The following CCDC102B variants were observed in gnomAD, a reference collection of about 807,000 sequenced individuals.
CCDC102B encodes coiled-coil domain containing 102B.
In CCDC102B, 75 loss-of-function variants were observed where a neutral mutation model predicts 57.4. The ratio of observed to expected loss-of-function variants is 1.31; its 90% CI spans 1.08 to 1.58. The LOEUF is 1.58. Ranked by LOEUF, CCDC102B falls within the 40% of genes most tolerant of loss-of-function variation. The probability of loss-of-function intolerance (pLI) is 0.00; values close to 1 mark genes in which losing one functional copy is unlikely to be tolerated. For missense variants in CCDC102B, 636 were observed against 582.6 expected, an observed-to-expected ratio of 1.09 and a Z score of -0.94; for synonymous variants, 206 against 201.9, an observed-to-expected ratio of 1.02 and a Z score of -0.17.
rs917451845 is a variant in CCDC102B at position 68,810,075 on chromosome 18, TAAAG to T, written c.-16+11896_-16+11899del. 3.3e-5 allele frequency among the ~76,000 whole-genome samples: 5 copies of T among 152,322 alleles called. No homozygotes were observed. The East Asian group carries it at 5.8e-4, about 18-fold the overall frequency. On this transcript the variant is annotated intron_variant, in intron 1 of 7. Transcript: ENST00000360242. The stretch of plus-strand genomic sequence containing the variant: ...TTCATTATGTGTAATTTAATTTGTA[TAAAG>T]ATTTTTTAGTCAAATTAATATTTAG...
At chr18:68,794,404 AT>A (rs758859904), upstream of CCDC102B, among the ~76,000 whole-genome samples, 4 of 149,726 alleles carry the variant, frequency 2.7e-5, no homozygotes, top group Non-Finnish European at 4.4e-5. Flanking sequence ...AGCCAAATAT[AT>A]TTGTATGGGA....
At chr18:68,809,508 C>T (rs1275944699) in intron 1 of CCDC102B, among the ~76,000 whole-genome samples, 1 of 152,084 alleles carries the variant, frequency 6.6e-6, no homozygotes, top group Non-Finnish European at 1.5e-5. Context: ...TCATTTAACT[C>T]AATTTTTGTT....
At chr18:68,826,542 G>T (rs1311371807) in intron 1 of CCDC102B, among the ~76,000 whole-genome samples, 1 of 152,138 alleles carries the variant, frequency 6.6e-6, no homozygotes, top group Non-Finnish European at 1.5e-5. Flanking sequence ...GTTAGAAGCA[G>T]GTCACAGGGC....
chr18:68,942,729 GT>G (rs1206554042), intron 6 of CCDC102B, among the ~76,000 whole-genome samples: 1 of 151,980 alleles, frequency 6.6e-6, no homozygotes, highest in Non-Finnish European at 1.5e-5. Context: ...CCATTGCCCA[GT>G]CGACAAGCAG....
chr18:68,955,715 G>A (rs930705700), intron 6 of CCDC102B, among the ~76,000 whole-genome samples: 1 of 151,580 alleles, frequency 6.6e-6, no homozygotes, highest in Non-Finnish European at 1.5e-5. Flanking sequence ...ATGAAAGAAA[G>A]CCTTTATAAT....
chr18:68,828,761 GTTAT>G (rs2037019386), intron 1 of CCDC102B, among the ~76,000 whole-genome samples: 1 of 150,968 alleles, frequency 6.6e-6, no homozygotes, highest in African/African-American at 2.4e-5. Context: ...TATTTAAATT[GTTAT>G]TTCTTTTATT....
chr18:68,990,938 A>G (rs1256933192), intron 6 of CCDC102B, among the ~76,000 whole-genome samples: 1 of 152,080 alleles, frequency 6.6e-6, no homozygotes, highest in East Asian at 1.9e-4. Flanking sequence ...CCATTCCTCT[A>G]TCAATATTTT....
At chr18:68,733,503 TATA>T (rs1184837188) in intron 2 of CCDC102B, among the ~76,000 whole-genome samples, 5 of 81,252 alleles carry the variant, frequency 6.2e-5, no homozygotes, top group African/African-American at 2.4e-4. Flanking sequence ...TATATATATA[TATA>T]TTTTTTTAAC....
chr18:68,789,844 T>C (rs2035361626), intron 2 of CCDC102B, among the ~76,000 whole-genome samples: 2 of 151,272 alleles, frequency 1.3e-5, no homozygotes, highest in Non-Finnish European at 2.9e-5. Flanking sequence ...AAAGTCATTC[T>C]CCGTCCAGCT....
chr18:68,759,892 G>A (rs2145265591), intron 2 of CCDC102B, among the ~76,000 whole-genome samples: 1 of 152,104 alleles, frequency 6.6e-6, no homozygotes, highest in African/African-American at 2.4e-5. Flanking sequence ...CCCTCTTTGG[G>A]GGTTACATTT....
At chr18:68,941,196 ATG>A (rs2049371933) in intron 6 of CCDC102B, among the ~76,000 whole-genome samples, 2 of 151,746 alleles carry the variant, frequency 1.3e-5, no homozygotes, top group South Asian at 2.1e-4. Context: ...GTGACTTTTA[ATG>A]AGATGTTAAA....
intron 6 of CCDC102B, among the ~76,000 whole-genome samples, chr18:68,929,772 A>G (rs1416428158): frequency 1.3e-5 from 2 of 151,842 alleles, no homozygotes; most frequent in Non-Finnish European, 2.9e-5. Flanking sequence ...GAATATATGG[A>G]GCATAGTTTG....
intron 7 of CCDC102B, among the ~76,000 whole-genome samples, chr18:69,036,005 C>T (rs1397859417): frequency 6.6e-6 from 1 of 152,024 alleles, no homozygotes; most frequent in African/African-American, 2.4e-5. Context: ...TGCCAGAATC[C>T]CCGATGCTCA....
At chr18:68,854,421 A>G (rs929553729) in intron 4 of CCDC102B, among the ~76,000 whole-genome samples, 1 of 152,208 alleles carries the variant, frequency 6.6e-6, no homozygotes, top group African/African-American at 2.4e-5. Flanking sequence ...TTTCTACAAT[A>G]CATATAAAAA....
chr18:68,812,921 TGGAGAGAAGATGAGA>T (rs986276115), intron 1 of CCDC102B, among the ~76,000 whole-genome samples: 1 of 151,910 alleles, frequency 6.6e-6, no homozygotes, highest in African/African-American at 2.4e-5. Flanking sequence ...AACCTGGAGA[TGGAGAGAAGATGAGA>T]GGAGAGAAGG....
intron 1 of CCDC102B, among the ~76,000 whole-genome samples, chr18:68,831,560 A>T (rs894878585): frequency 1.3e-5 from 2 of 152,122 alleles, no homozygotes; most frequent in African/African-American, 4.8e-5. Flanking sequence ...AGTTGTTCAG[A>T]TTTATTTTAT....
chr18:68,849,850 G>C (rs2038045223), intron 4 of CCDC102B, among the ~76,000 whole-genome samples: 1 of 152,074 alleles, frequency 6.6e-6, no homozygotes, highest in South Asian at 2.1e-4. Flanking sequence ...AGCCCTACCT[G>C]TGTTTGGAGG....
chr18:68,849,205 C>A (rs973312191), intron 4 of CCDC102B, among the ~76,000 whole-genome samples: 8 of 152,014 alleles, frequency 5.3e-5, no homozygotes, highest in African/African-American at 1.9e-4. Context: ...AGCTAAAATT[C>A]TGTACTCACA....
downstream of CCDC102B, among the ~76,000 whole-genome samples, chr18:69,056,009 A>G (rs904867117): frequency 6.6e-6 from 1 of 152,120 alleles, no homozygotes; most frequent in African/African-American, 2.4e-5. Flanking sequence ...CAGGGTTGCT[A>G]TGAACAAAGC....
Sources: gnomAD v4.1 joint callset for allele counts (sites outside exome capture counted in the v4.1 genomes callset) on GRCh38, gnomAD v4.1.1 for gene constraint, MANE v1.5 for transcripts, NCBI Gene and HGNC (gene_info 2026-07-23, HGNC 2026-07-21) for gene names.